LANCL3: variants seen among roughly 807,000 people sequenced by gnomAD.
LANCL3 encodes lanC-like protein 3.
LANCL3 carries 19 observed loss-of-function variants against 26.5 expected under a neutral mutation model. The ratio of observed to expected loss-of-function variants is 0.72; its 90% confidence interval spans 0.50 to 1.05. The LOEUF (loss-of-function observed/expected upper bound fraction) is 1.05, where lower values mean the gene tolerates loss of function less well. LANCL3 is among the 50% of genes least tolerant of loss of function. The pLI is 0.00. For synonymous variants in LANCL3, 160 were observed against 166.6 expected, an observed-to-expected ratio of 0.96 and a Z score of 0.30; for missense variants, 318 against 362.7, an observed-to-expected ratio of 0.88 and a Z score of 1.00.
chrX:37,662,179 A>G (rs1158759943), intron 3 of LANCL3, among the ~76,000 whole-genome samples: 5 of 112,204 alleles, frequency 4.5e-5, no homozygotes, highest in African/African-American at 1.6e-4. Context: ...TGTGTGGCAT[A>G]TAGCTTTTTT....
In LANCL3 at chrX:37,679,132, A is replaced by C. The variant is rs1217630538; in HGVS notation, c.*3319A>C. 8.9e-6 allele frequency: 1 copy of C among 112,020 alleles called. No individual in the cohort carries two copies. Among genetic ancestry groups the C allele is most frequent in the Non-Finnish European group, 1.9e-5 (1 of 53,178 alleles). 9.2% of individuals were successfully genotyped at this position (112,020 alleles called of 1,213,427 possible). A position where few individuals can be genotyped will look rare whatever the true frequency, so the allele number is the denominator to read the frequency against. On this transcript the variant is annotated 3_prime_UTR_variant, in exon 5 of 5. Coordinates refer to ENST00000378619, the MANE Select transcript of LANCL3 (RefSeq NM_001170331.2). ...CTGTCTACTTCACAGGGTTGTTATAAAAGTTGTCAATGATAAAATGGATAT... is the reference window on the plus strand; with the variant it reads ...CTGTCTACTTCACAGGGTTGTTATACAAGTTGTCAATGATAAAATGGATAT...
At chrX:37,574,159 A>G (rs376926300) in intron 1 of LANCL3, among the ~76,000 whole-genome samples, 1 of 109,573 alleles carries the variant, frequency 9.1e-6, no homozygotes, top group Admixed American at 9.7e-5. Flanking sequence ...AGCTGTGTCA[A>G]TTCAAGACTT....
rs1176474980 is a variant in LANCL3 at position 37,571,772 on chromosome X, G to A, written c.-99G>A. 2 of 682,321 alleles carry A rather than the reference G, an allele frequency of 2.9e-6. No homozygotes were observed. The highest frequency in any genetic ancestry group is 4.3e-6 in the Non-Finnish European group (2 of 465,899). The allele number at this position is 682,321 out of a possible 1,213,427, so 56.2% of individuals were successfully genotyped here. A position where few individuals can be genotyped will look rare whatever the true frequency, so the allele number is the denominator to read the frequency against. On this transcript the variant is annotated 5_prime_UTR_variant, in exon 1 of 5. Coordinates refer to ENST00000378619, the MANE Select transcript of LANCL3 (RefSeq NM_001170331.2). ...TCGCTCCTTCCCCGCCGCATACACC[G>A]GCATCCGAGTGCCTCAGAGAGCCGG...
intron 1 of LANCL3, among the ~76,000 whole-genome samples, chrX:37,626,686 C>T (rs902504875): frequency 9.0e-5 from 10 of 111,536 alleles, no homozygotes; most frequent in African/African-American, 2.9e-4. Flanking sequence ...GATAGTTTCA[C>T]TTTAATCAAA....
At chrX:37,649,566 A>G (rs1926082467) in intron 1 of LANCL3, among the ~76,000 whole-genome samples, 1 of 112,023 alleles carries the variant, frequency 8.9e-6, no homozygotes, top group Non-Finnish European at 1.9e-5. Flanking sequence ...CATGTATCCC[A>G]GAACTTAAAG....
chrX:37,676,412 C>A lies in LANCL3; in HGVS notation c.*599C>A, dbSNP rs1556437274. On this transcript the variant is annotated 3_prime_UTR_variant, in exon 5 of 5. Transcript: ENST00000378619. Reference sequence around the variant, plus strand: ...ATTACCCTGGGCAATTTAAAGAAATCATATCATAGCGTAGTTCAGATACTA... The same window carrying A: ...ATTACCCTGGGCAATTTAAAGAAATAATATCATAGCGTAGTTCAGATACTA... 9.0e-6 allele frequency: 1 copy of A among 111,545 alleles called. No homozygotes were observed. Among genetic ancestry groups the A allele is most frequent in the Non-Finnish European group, 1.9e-5 (1 of 53,065 alleles). The allele number at this position is 111,545 out of a possible 1,213,427, so 9.2% of individuals were successfully genotyped here. A position where few individuals can be genotyped will look rare whatever the true frequency, so the allele number is the denominator to read the frequency against.
At chrX:37,662,989 A>G (rs1313211117) in intron 3 of LANCL3, among the ~76,000 whole-genome samples, 1 of 111,469 alleles carries the variant, frequency 9.0e-6, no homozygotes, top group East Asian at 2.8e-4. Context: ...CCACAGGATC[A>G]ATACCTTTTA....
intron 4 of LANCL3, among the ~76,000 whole-genome samples, chrX:37,672,421 A>G (rs1273604621): frequency 8.9e-6 from 1 of 112,297 alleles, no homozygotes; most frequent in Non-Finnish European, 1.9e-5. Flanking sequence ...TAGGAAAGAC[A>G]CTATTCCAGT....
At position 37,678,252 on chromosome X, in the gene LANCL3, T is replaced by C. The variant is rs944718876; in HGVS notation, c.*2439T>C. The C allele has an allele frequency of 4.5e-5, 5 of 111,387 alleles. No homozygotes were observed. Among genetic ancestry groups the C allele is most frequent in the African/African-American group, 1.6e-4 (5 of 30,694 alleles). 9.2% of individuals were successfully genotyped at this position (111,387 alleles called of 1,213,427 possible). ...TTTTGGAAGGTCCTCTTCTATATTATTTTTCCAAGAAGGGGAAAACGATTC... is the reference window on the plus strand; with the variant it reads ...TTTTGGAAGGTCCTCTTCTATATTACTTTTCCAAGAAGGGGAAAACGATTC... On this transcript the variant is annotated 3_prime_UTR_variant, in exon 5 of 5. Transcript: ENST00000378619.
chrX:37,590,895 C>T (rs1369137840), intron 1 of LANCL3, among the ~76,000 whole-genome samples: 2 of 111,845 alleles, frequency 1.8e-5, no homozygotes, highest in Non-Finnish European at 3.8e-5. Flanking sequence ...TAACAAGTTC[C>T]CAGTGATACT....
intron 1 of LANCL3, among the ~76,000 whole-genome samples, chrX:37,636,196 C>T (rs1925701615): frequency 8.9e-6 from 1 of 112,125 alleles, no homozygotes; most frequent in African/African-American, 3.2e-5. Flanking sequence ...TACTACATTT[C>T]CTTTATCCAG....
intron 1 of LANCL3, among the ~76,000 whole-genome samples, chrX:37,578,334 A>G (rs1287976164): frequency 8.9e-6 from 1 of 112,173 alleles, no homozygotes; most frequent in Non-Finnish European, 1.9e-5. Flanking sequence ...ACCGACACGA[A>G]AAAAGGGAGA....
rs1454727100 is a variant in LANCL3, at chrX:37,680,006, C to G, written c.*4193C>G. The G allele has an allele frequency of 9.0e-6, 1 of 111,596 alleles. No individual in the cohort carries two copies. Among genetic ancestry groups the G allele is most frequent in the Non-Finnish European group, 1.9e-5 (1 of 53,179 alleles). 9.2% of individuals were successfully genotyped at this position (111,596 alleles called of 1,213,427 possible). ...GTGATATGTTTTTCCTGTATCTGCT[C>G]TATCATGTGACCTCCTTTCGCCTGG... On this transcript the variant is annotated 3_prime_UTR_variant, in exon 5 of 5. Coordinates refer to ENST00000378619, the MANE Select transcript of LANCL3 (RefSeq NM_001170331.2).
intron 1 of LANCL3, among the ~76,000 whole-genome samples, chrX:37,621,668 A>T (rs782091834): frequency 3.0e-4 from 34 of 112,239 alleles, no homozygotes; most frequent in Non-Finnish European, 5.8e-4. Context: ...ATAATTTTGG[A>T]CTATGTCTGG....
intron 1 of LANCL3, among the ~76,000 whole-genome samples, chrX:37,637,644 A>G (rs1556425482): frequency 8.9e-6 from 1 of 112,101 alleles, no homozygotes; most frequent in African/African-American, 3.2e-5. Context: ...GTCACTAAGC[A>G]ATATCAGCAG....
chrX:37,605,068 C>A (rs1445088444), intron 1 of LANCL3, among the ~76,000 whole-genome samples: 1 of 111,345 alleles, frequency 9.0e-6, no homozygotes, highest in Non-Finnish European at 1.9e-5. Context: ...TATTTCACAC[C>A]CCTCTATCCC....
At chrX:37,644,826 GAGCTTAAAA>G (rs1333064755) in intron 1 of LANCL3, among the ~76,000 whole-genome samples, 11 of 112,446 alleles carry the variant, frequency 9.8e-5, no homozygotes, top group Admixed American at 8.5e-4. Context: ...ATAACGTGGA[GAGCTTAAAA>G]AGGATACTCA....
chrX:37,633,378 C>T (rs781990340), intron 1 of LANCL3, among the ~76,000 whole-genome samples: 3 of 111,391 alleles, frequency 2.7e-5, no homozygotes, highest in South Asian at 3.8e-4. Flanking sequence ...GTTTGAATTT[C>T]TTCCTGTAGC....
intron 1 of LANCL3, among the ~76,000 whole-genome samples, chrX:37,652,423 C>CA (rs1556429356): frequency 9.0e-6 from 1 of 111,542 alleles, no homozygotes; most frequent in Non-Finnish European, 1.9e-5. Flanking sequence ...CAGGCCAAAC[C>CA]AATAGGAATA....
Sources: allele counts gnomAD v4.1 joint callset (sites outside exome capture counted in the v4.1 genomes callset), GRCh38; gene constraint gnomAD v4.1.1; transcripts MANE v1.5; gene names NCBI Gene and HGNC (gene_info 2026-07-23, HGNC 2026-07-21).